ZNF385C: variants seen among roughly 807,000 people sequenced by gnomAD.
ZNF385C encodes the protein zinc finger protein 385C.
Under a neutral mutation model 35.4 loss-of-function variants are expected in ZNF385C, and 28 were observed. That is an observed-to-expected ratio of 0.79 (90% CI 0.59 to 1.08). The LOEUF is 1.08. ZNF385C is among the 50% of genes least tolerant of loss of function. The pLI, the probability that ZNF385C is intolerant of heterozygous loss-of-function variation, is 0.00. For missense variants in ZNF385C, 605 were observed against 595.6 expected (o/e 1.02, Z -0.16); for synonymous variants, 248 against 248.2 (o/e 1.00, Z 0.01).
chr17:42,083,502 T>C (rs1555659898), intron 1 of ZNF385C, among the ~76,000 whole-genome samples: 6 of 151,888 alleles, frequency 4.0e-5, no homozygotes, highest in Admixed American at 1.3e-4. Flanking sequence ...CCACCGCGCC[T>C]GGCCATAACA....
chr17:42,067,079 A>AG (rs880000053), intron 1 of ZNF385C, among the ~76,000 whole-genome samples: 26 of 150,116 alleles, frequency 1.7e-4, no homozygotes, highest in Non-Finnish European at 2.8e-4. Context: ...AGAAAAAAAA[A>AG]AAAGAGAGAG....
chr17:42,036,823 G>A lies in ZNF385C; in HGVS notation c.399+914C>T, dbSNP rs200305696. Among the ~76,000 whole-genome samples, 35 of 152,212 alleles carry A rather than the reference G, an allele frequency of 2.3e-4. No individual in the cohort carries two copies. The East Asian group carries it at 4.4e-3, about 19-fold the overall frequency. On this transcript the variant is annotated intron_variant, in intron 3 of 8. Transcript: ENST00000692273. The stretch of plus-strand genomic sequence containing the variant: ...CCCCCCAAATGCCTCAGACTCCTTA[G>A]GACCTCTGTCTAACTCTGGAGGGTG...
intron 1 of ZNF385C, among the ~76,000 whole-genome samples, chr17:42,067,530 C>T (rs2053565727): frequency 6.6e-6 from 1 of 152,136 alleles, no homozygotes; most frequent in Non-Finnish European, 1.5e-5. Context: ...GCATGACAGA[C>T]CCCAGTCCCC....
chr17:42,079,302 A>T (rs1280148784), intron 1 of ZNF385C, among the ~76,000 whole-genome samples: 2 of 147,224 alleles, frequency 1.4e-5, no homozygotes, highest in Non-Finnish European at 1.5e-5. Flanking sequence ...TACTGGGGAG[A>T]CTGAGACGGG....
intron 1 of ZNF385C, among the ~76,000 whole-genome samples, chr17:42,085,450 T>C (rs1393824098): frequency 1.4e-4 from 21 of 151,408 alleles, no homozygotes; most frequent in Non-Finnish European, 2.7e-4. Context: ...TTTCTTTTTT[T>C]TTTTTTTGTA....
At chr17:42,054,845 G>T (rs1185738399) in intron 2 of ZNF385C, among the ~76,000 whole-genome samples, 2 of 152,090 alleles carry the variant, frequency 1.3e-5, no homozygotes, top group Admixed American at 6.6e-5. Flanking sequence ...GCCTCCCAAA[G>T]TGTTAGGATT....
intron 1 of ZNF385C, among the ~76,000 whole-genome samples, chr17:42,066,842 G>T (rs1221007633): frequency 6.6e-6 from 1 of 152,132 alleles, no homozygotes; most frequent in Non-Finnish European, 1.5e-5. Flanking sequence ...GCCGAGGTGG[G>T]TGGATCACGA....
At chr17:42,088,588 G>T (rs2053834114) in intron 1 of ZNF385C, among the ~76,000 whole-genome samples, 1 of 152,206 alleles carries the variant, frequency 6.6e-6, no homozygotes, top group Admixed American at 6.5e-5. Context: ...ACCTCAGCAG[G>T]GCATCCCTGA....
intron 2 of ZNF385C, among the ~76,000 whole-genome samples, chr17:42,058,819 G>T (rs1488735154): frequency 6.6e-6 from 1 of 152,156 alleles, no homozygotes; most frequent in Admixed American, 6.5e-5. Context: ...ACCACACCTG[G>T]CTAATTTTTG....
intron 2 of ZNF385C, among the ~76,000 whole-genome samples, chr17:42,059,292 C>T (rs1478071917): frequency 1.3e-5 from 2 of 152,238 alleles, no homozygotes; most frequent in Non-Finnish European, 2.9e-5. Flanking sequence ...ACTGTGAGTG[C>T]CCAGAGGCAG....
chr17:42,031,795 G>A lies in ZNF385C; in HGVS notation c.511-11C>T, dbSNP rs1248441849. 6.5e-7 allele frequency: 1 copy of A among 1,549,834 alleles called. No homozygotes were observed. Among genetic ancestry groups the A allele is most frequent in the Non-Finnish European group, 8.7e-7 (1 of 1,146,642 alleles). ...TGCCTCGGCCTGGTTCTGGGGAGGG[G>A]AGGGCAAGAGGTCACCATTCACTGG... On this transcript the variant is annotated splice_polypyrimidine_tract_variant and intron_variant, in intron 4 of 8. Transcript: ENST00000692273.
chr17:42,092,253 T>C (rs1369327700), intron 1 of ZNF385C, among the ~76,000 whole-genome samples: 5 of 151,964 alleles, frequency 3.3e-5, no homozygotes, highest in African/African-American at 1.2e-4. Flanking sequence ...TACAAAAAAT[T>C]AGCTGGGCAT....
Position 42,028,198 on chromosome 17 carries a change from C to T in ZNF385C, c.1016G>A (p.Arg339Lys). 6.3e-7 allele frequency: 1 copy of T among 1,575,710 alleles called. No homozygotes were observed. Among genetic ancestry groups the T allele is most frequent in the Non-Finnish European group, 8.6e-7 (1 of 1,162,920 alleles). ...CCTGGACACCGGGCGGCCCCGGCTC[C>T]TCCGGGGAGCCCCTCGCTGACCTTC... ...MMEGQRGAPRRSRGRPVSRGG... is the reference protein window; with the variant it reads ...MMEGQRGAPRKSRGRPVSRGG... Residue 339 changes from arginine (R) to lysine (K), a missense_variant, in exon 7 of 9, where the codon AGG (arginine) becomes AAG (lysine). Arg to Lys is a conservative substitution (Grantham distance 26, BLOSUM62 2). Transcript: ENST00000692273.
chr17:42,081,738 G>A (rs1157891904), intron 1 of ZNF385C, among the ~76,000 whole-genome samples: 1 of 152,130 alleles, frequency 6.6e-6, no homozygotes, highest in African/African-American at 2.4e-5. Context: ...ATTCTGCCCA[G>A]GTGATTGACA....
chr17:42,073,544 G>A (rs2053653646), intron 1 of ZNF385C, among the ~76,000 whole-genome samples: 1 of 152,200 alleles, frequency 6.6e-6, no homozygotes, highest in Admixed American at 6.5e-5. Context: ...GGAGGTCAGG[G>A]GAGACAGCCA....
intron 1 of ZNF385C, among the ~76,000 whole-genome samples, chr17:42,083,201 T>G (rs996103523): frequency 6.6e-6 from 1 of 151,886 alleles, no homozygotes; most frequent in African/African-American, 2.4e-5. Flanking sequence ...TGACAAAATG[T>G]TTTTTTGTTT....
At position 42,028,148 on chromosome 17, in the gene ZNF385C, T is replaced by C. The variant is rs782361613; in HGVS notation, c.1066A>G (p.Arg356Gly). Residue 356 changes from arginine to glycine, a missense_variant, in exon 7 of 9, where the codon AGA (arginine) becomes GGA (glycine). By Grantham distance (125) the Arg-to-Gly change is moderately radical. Coordinates refer to ENST00000692273, the MANE Select transcript of ZNF385C (RefSeq NM_001392013.1). ...SRGGAGHKAK[R>G]VTGGRGGRQG... ...CGGCCGCCCCGGCCCCCTGTGACTC[T>C]CTTGGCTTTGTGTCCGGCACCTCCC... The C allele has an allele frequency of 1.2e-5, 20 of 1,610,870 alleles. No homozygotes were observed. In the Admixed American group the frequency reaches 2.7e-4, roughly 22 times the overall value.
intron 2 of ZNF385C, among the ~76,000 whole-genome samples, chr17:42,049,108 G>A (rs1555656887): frequency 6.6e-6 from 1 of 152,020 alleles, no homozygotes; most frequent in African/African-American, 2.4e-5. Context: ...CCTTCTCTCT[G>A]GGTTCCTCCA....
chr17:42,062,574 A>T (rs1328962734), intron 2 of ZNF385C: 4 of 384,546 alleles, frequency 1.0e-5, no homozygotes, highest in Non-Finnish European at 1.8e-5. Flanking sequence ...CAAAGACCCA[A>T]GAGGCGGCCT....
Sources: allele counts gnomAD v4.1 joint callset (sites outside exome capture counted in the v4.1 genomes callset), GRCh38; gene constraint gnomAD v4.1.1; transcripts MANE v1.5; gene names NCBI Gene and HGNC (gene_info 2026-07-23, HGNC 2026-07-21).